HDX: variants seen among roughly 807,000 people sequenced by gnomAD.
HDX encodes the protein highly divergent homeobox.
Under a neutral mutation model 45.2 loss-of-function variants are expected in HDX, and 19 were observed. The observed-to-expected ratio is 0.42, with a 90% CI of 0.29 to 0.62. The LOEUF is 0.62. HDX is among the 20% of genes least tolerant of loss of function. The pLI is 0.20. For missense variants in HDX, 532 were observed against 493.9 expected, an observed-to-expected ratio of 1.08 and a Z score of -0.73; for synonymous variants, 188 against 172.8, an observed-to-expected ratio of 1.09 and a Z score of -0.69.
intron 5 of HDX, among the ~76,000 whole-genome samples, chrX:84,406,906 A>G (rs1467788368): frequency 9.0e-6 from 1 of 110,838 alleles, no homozygotes; most frequent in Non-Finnish European, 1.9e-5. Flanking sequence ...TATTTATATC[A>G]TTGTTTTTAT....
At chrX:84,412,975 A>G (rs1042557969) in intron 5 of HDX, among the ~76,000 whole-genome samples, 1 of 111,900 alleles carries the variant, frequency 8.9e-6, no homozygotes, top group East Asian at 2.8e-4. Flanking sequence ...AAATTCTTGA[A>G]GTGAGTTTTT....
chrX:84,357,938 C>T (rs1217299227), intron 6 of HDX, among the ~76,000 whole-genome samples: 1 of 111,765 alleles, frequency 8.9e-6, no homozygotes, highest in African/African-American at 3.3e-5. Flanking sequence ...TCTTCTCCCT[C>T]TCTGTCATGC....
At chrX:84,348,398 A>T (rs763237032) in intron 6 of HDX, among the ~76,000 whole-genome samples, 1 of 111,696 alleles carries the variant, frequency 9.0e-6, no homozygotes, top group African/African-American at 3.2e-5. Flanking sequence ...TAGTGCCCTT[A>T]GCATGTTAAT....
chrX:84,496,298 C>A (rs1016246729), intron 1 of HDX, among the ~76,000 whole-genome samples: 2 of 111,766 alleles, frequency 1.8e-5, no homozygotes, highest in Non-Finnish European at 3.8e-5. Context: ...GTTTCTATGA[C>A]CACCAGCTCT....
intron 2 of HDX, among the ~76,000 whole-genome samples, chrX:84,484,974 A>AGT (rs201065061): frequency 0.058 from 5,134 of 87,924 alleles, 297 homozygotes; most frequent in African/African-American, 0.25. Flanking sequence ...ATTTTGATAA[A>AGT]GTATATATTG....
At chrX:84,460,279 T>C (rs905326435) in intron 4 of HDX, among the ~76,000 whole-genome samples, 1 of 111,779 alleles carries the variant, frequency 8.9e-6, no homozygotes, top group Non-Finnish European at 1.9e-5. Flanking sequence ...TGAATATTGA[T>C]ACAAAAACTT....
At chrX:84,335,627 G>C (rs759892364) in intron 8 of HDX, among the ~76,000 whole-genome samples, 7 of 111,242 alleles carry the variant, frequency 6.3e-5, no homozygotes, top group African/African-American at 2.3e-4. Flanking sequence ...ACTCAAATCT[G>C]TAGCAGATTA....
intron 4 of HDX, among the ~76,000 whole-genome samples, chrX:84,463,739 T>G (rs1479819689): frequency 9.0e-6 from 1 of 110,503 alleles, no homozygotes; most frequent in Non-Finnish European, 1.9e-5. Flanking sequence ...GAAAAGTGAA[T>G]GGCACTTTGG....
chrX:84,492,742 T>C (rs1428525552), intron 1 of HDX, among the ~76,000 whole-genome samples: 5 of 110,998 alleles, frequency 4.5e-5, no homozygotes, highest in African/African-American at 1.6e-4. Context: ...ATTATGATAT[T>C]ATGATGGCAA....
At chrX:84,400,203 G>T (rs748234849) in intron 5 of HDX, among the ~76,000 whole-genome samples, 18 of 109,753 alleles carry the variant, frequency 1.6e-4, no homozygotes, top group African/African-American at 6.0e-4. Context: ...GGAAGGTGTG[G>T]CAAGGGCAAT....
intron 5 of HDX, among the ~76,000 whole-genome samples, chrX:84,404,522 A>G (rs1385977327): frequency 9.0e-6 from 1 of 111,567 alleles, no homozygotes; most frequent in African/African-American, 3.2e-5. Context: ...TCAATTCAAT[A>G]TGTTTAAAGG....
chrX:84,495,844 T>C (rs1467601786), intron 1 of HDX, among the ~76,000 whole-genome samples: 1 of 111,487 alleles, frequency 9.0e-6, no homozygotes, highest in African/African-American at 3.3e-5. Context: ...TGCTGACATA[T>C]TTATTTTAAC....
intron 5 of HDX, among the ~76,000 whole-genome samples, chrX:84,377,872 A>G (rs2147894726): frequency 8.9e-6 from 1 of 111,853 alleles, no homozygotes; most frequent in East Asian, 2.8e-4. Flanking sequence ...TCCTGAACCT[A>G]GAGAATGATA....
At chrX:84,443,107 A>G (rs2039797612) in intron 4 of HDX, among the ~76,000 whole-genome samples, 2 of 111,809 alleles carry the variant, frequency 1.8e-5, no homozygotes, top group Admixed American at 1.9e-4. Context: ...CAGCAGTTAC[A>G]TGATACTCAA....
At chrX:84,379,643 T>A (rs1602347514) in intron 5 of HDX, among the ~76,000 whole-genome samples, 1 of 111,186 alleles carries the variant, frequency 9.0e-6, no homozygotes, top group Non-Finnish European at 1.9e-5. Flanking sequence ...AGTGGGTAAA[T>A]AAAGAAATTA....
At chrX:84,479,540 G>A (rs765249254) in intron 2 of HDX, among the ~76,000 whole-genome samples, 5 of 112,004 alleles carry the variant, frequency 4.5e-5, no homozygotes, top group African/African-American at 1.6e-4. Context: ...CTGTGTGCAG[G>A]TAAGTTTTCA....
chrX:84,474,897 C>T (rs1437000645), intron 3 of HDX, among the ~76,000 whole-genome samples: 3 of 111,869 alleles, frequency 2.7e-5, no homozygotes, highest in African/African-American at 9.7e-5. Flanking sequence ...ATAGTATTCA[C>T]TTGGTAAATG....
chrX:84,498,273 C>A (rs1602570859), intron 1 of HDX, among the ~76,000 whole-genome samples: 1 of 111,655 alleles, frequency 9.0e-6, no homozygotes, highest in Admixed American at 9.5e-5. Flanking sequence ...TTAATCCAGG[C>A]AATTTTGCCA....
At position 84,341,470 on chromosome X, in the gene HDX, A is replaced by T. The variant is rs184569647; in HGVS notation, c.1660+2780T>A. On this transcript the variant is annotated intron_variant, in intron 7 of 10. Coordinates refer to ENST00000373177, the MANE Select transcript of HDX (RefSeq NM_001177479.2). The stretch of plus-strand genomic sequence containing the variant: ...AGAAACTTGAATATTCACATAGATA[A>T]CATTTCAAATACCTGATCTTAACAT... 4.5e-3 allele frequency among the ~76,000 whole-genome samples: 504 copies of T among 111,040 alleles called. 1 individual carries two copies. The highest frequency in any genetic ancestry group is 0.016 in the African/African-American group (486 of 30,635).
Sources: allele counts gnomAD v4.1 joint callset (sites outside exome capture counted in the v4.1 genomes callset), GRCh38; gene constraint gnomAD v4.1.1; transcripts MANE v1.5; gene names NCBI Gene and HGNC (gene_info 2026-07-23, HGNC 2026-07-21).